Variants in ZNF536 observed in about 807,000 individuals in gnomAD.
ZNF536 encodes zinc finger protein 536.
Under a neutral mutation model 84.5 loss-of-function variants are expected in ZNF536, and 13 were observed. The observed-to-expected ratio is 0.15, with a 90% CI of 0.10 to 0.24. The LOEUF (loss-of-function observed/expected upper bound fraction) is 0.24. ZNF536 is among the 10% of genes least tolerant of loss of function. ZNF536 has a pLI of 1.00. For synonymous variants in ZNF536, 811 were observed against 742.5 expected (o/e 1.09, Z -1.50); for missense variants, 1,536 against 1,747.5 (o/e 0.88, Z 2.16).
chr19:30,664,244 CTCTCTCTCTCTCT>C (rs2050234747), intron 1 of ZNF536, among the ~76,000 whole-genome samples: 1 of 150,228 alleles, frequency 6.7e-6, no homozygotes, highest in Non-Finnish European at 1.5e-5. Context: ...CTCTCTCTCT[CTCTCTCTCTCTCT>C]CTCTCCCTCT....
At chr19:30,492,424 T>A (rs1330386722) in intron 2 of ZNF536, among the ~76,000 whole-genome samples, 1 of 152,156 alleles carries the variant, frequency 6.6e-6, no homozygotes, top group Non-Finnish European at 1.5e-5. Flanking sequence ...TTCTGGGGAA[T>A]GTTTGTTTTC....
intron 1 of ZNF536, among the ~76,000 whole-genome samples, chr19:30,671,174 G>T (rs911033684): frequency 3.3e-5 from 5 of 152,222 alleles, no homozygotes; most frequent in Non-Finnish European, 5.9e-5. Context: ...AGGTACCTAG[G>T]GGGTATAACT....
intron 2 of ZNF536, among the ~76,000 whole-genome samples, chr19:30,446,459 G>A (rs1200541600): frequency 1.3e-5 from 2 of 151,948 alleles, no homozygotes; most frequent in African/African-American, 4.8e-5. Context: ...GGGTATGAAT[G>A]TGTAAGTTCC....
At chr19:30,613,092 A>G (rs1043159626) in intron 1 of ZNF536, among the ~76,000 whole-genome samples, 6 of 152,206 alleles carry the variant, frequency 3.9e-5, no homozygotes, top group African/African-American at 1.4e-4. Flanking sequence ...CAAAGATGCC[A>G]TGGGACTGAT....
chr19:30,672,917 C>A (rs563731442), intron 1 of ZNF536, among the ~76,000 whole-genome samples: 1 of 152,190 alleles, frequency 6.6e-6, no homozygotes, highest in Non-Finnish European at 1.5e-5. Flanking sequence ...AAGAAAGCTG[C>A]GGTGTTTATA....
At chr19:30,474,544 C>A (rs2053769572) in intron 2 of ZNF536, among the ~76,000 whole-genome samples, 1 of 152,130 alleles carries the variant, frequency 6.6e-6, no homozygotes, top group Admixed American at 6.5e-5. Context: ...TCCCCCAACC[C>A]CTCCCCATCA....
At chr19:30,379,101 A>G (rs1224848458) in intron 1 of ZNF536, among the ~76,000 whole-genome samples, 2 of 152,230 alleles carry the variant, frequency 1.3e-5, no homozygotes, top group African/African-American at 2.4e-5. Flanking sequence ...ATTGTTTGAA[A>G]TATGGAGGTG....
intron 2 of ZNF536, among the ~76,000 whole-genome samples, chr19:30,343,471 G>C (rs901677887): frequency 2.0e-5 from 3 of 152,142 alleles, no homozygotes; most frequent in Admixed American, 6.5e-5. Flanking sequence ...CAGTTGAGGG[G>C]CCTTGACCTG....
chr19:30,572,130 C>G (rs2046569629), intron 1 of ZNF536, among the ~76,000 whole-genome samples: 1 of 152,090 alleles, frequency 6.6e-6, no homozygotes, highest in Non-Finnish European at 1.5e-5. Flanking sequence ...TAGCCCATGC[C>G]TTTGGATTTG....
intron 1 of ZNF536, among the ~76,000 whole-genome samples, chr19:30,605,733 T>C (rs1352437136): frequency 1.3e-5 from 2 of 152,156 alleles, no homozygotes; most frequent in Admixed American, 6.5e-5. Context: ...GAATGGTGGA[T>C]CTCCTTTTAG....
intron 1 of ZNF536, among the ~76,000 whole-genome samples, chr19:30,260,688 G>T (rs1013279091): frequency 2.0e-5 from 3 of 152,230 alleles, no homozygotes; most frequent in Admixed American, 1.3e-4. Context: ...ATGGCCTTCT[G>T]TTAAGAAGTT....
At chr19:30,551,815 T>A (rs2045793747) in intron 4 of ZNF536, among the ~76,000 whole-genome samples, 1 of 152,204 alleles carries the variant, frequency 6.6e-6, no homozygotes, top group African/African-American at 2.4e-5. Flanking sequence ...AGACCCTCCC[T>A]GGCTCTTGCA....
chr19:30,388,523 G>A (rs143155549), intron 1 of ZNF536, among the ~76,000 whole-genome samples: 21 of 152,232 alleles, frequency 1.4e-4, no homozygotes, highest in African/African-American at 4.3e-4. Context: ...GGCCATGCCC[G>A]GGGCTTGCCA....
At chr19:30,250,968 G>C (rs1180532320) in intron 1 of ZNF536, among the ~76,000 whole-genome samples, 1 of 151,622 alleles carries the variant, frequency 6.6e-6, no homozygotes, top group Non-Finnish European at 1.5e-5. Context: ...AGCACATATG[G>C]TCTGTCCATG....
intron 2 of ZNF536, among the ~76,000 whole-genome samples, chr19:30,305,320 C>A (rs1250867157): frequency 1.3e-5 from 2 of 152,114 alleles, no homozygotes; most frequent in African/African-American, 2.4e-5. Flanking sequence ...CTCGCTTGAC[C>A]CTCAACCCAT....
downstream of ZNF536, among the ~76,000 whole-genome samples, chr19:30,558,362 C>A (rs570650210): frequency 6.6e-6 from 1 of 152,220 alleles, no homozygotes; most frequent in East Asian, 1.9e-4. Flanking sequence ...GGTGTCTAGA[C>A]CCCACAACCG....
exon 2 of ZNF536, chr19:30,712,424 G>GCC (rs34190433): frequency 3.7e-5 from 5 of 135,982 alleles, no homozygotes; most frequent in Non-Finnish European, 6.5e-5. Flanking sequence ...AAATCATTCA[G>GCC]ACTTAAAAAA....
intron 2 of ZNF536, among the ~76,000 whole-genome samples, chr19:30,313,969 A>G (rs372663670): frequency 1.3e-5 from 2 of 152,228 alleles, no homozygotes; most frequent in East Asian, 1.9e-4. Context: ...AAGTTCATCA[A>G]AGTCCTGCTG....
chr19:30,300,904 C>CT (rs2046160288), intron 2 of ZNF536, among the ~76,000 whole-genome samples: 1 of 152,198 alleles, frequency 6.6e-6, no homozygotes, highest in Non-Finnish European at 1.5e-5. Context: ...CTGCCGCTAA[C>CT]TAGCTCCATG....
Sources: allele counts gnomAD v4.1 joint callset (sites outside exome capture counted in the v4.1 genomes callset), GRCh38; gene constraint gnomAD v4.1.1; transcripts MANE v1.5; gene names NCBI Gene and HGNC (gene_info 2026-07-23, HGNC 2026-07-21).